The following RIPOR3 variants were observed in gnomAD, a reference collection of about 807,000 sequenced individuals.
RIPOR3 encodes RIPOR family member 3.
A neutral mutation model predicts 114.3 loss-of-function variants in RIPOR3; 95 were observed. The observed-to-expected ratio is 0.83, with a 90% confidence interval of 0.70 to 0.99. RIPOR3 has a LOEUF of 0.99. Among genes scored for constraint, RIPOR3 ranks in the 50% least tolerant of loss-of-function variants. The pLI is 0.00. For synonymous variants in RIPOR3, 575 were observed against 543.8 expected (o/e 1.06, Z -0.80); for missense variants, 1,252 against 1,266.9 (o/e 0.99, Z 0.18).
intron 11 of RIPOR3, among the ~76,000 whole-genome samples, chr20:50,605,069 T>C (rs929364561): frequency 3.9e-5 from 6 of 152,100 alleles, no homozygotes; most frequent in Non-Finnish European, 8.8e-5. Context: ...ACCACAGGCA[T>C]GTACCACCAT....
chr20:50,685,588 C>T (rs2086989514), intron 1 of RIPOR3, among the ~76,000 whole-genome samples: 1 of 151,244 alleles, frequency 6.6e-6, no homozygotes, highest in Non-Finnish European at 1.5e-5. Context: ...TTTTGGGAGG[C>T]CAAGGTGGGC....
chr20:50,681,623 G>A (rs2086865688), intron 1 of RIPOR3, among the ~76,000 whole-genome samples: 1 of 152,216 alleles, frequency 6.6e-6, no homozygotes, highest in Admixed American at 6.5e-5. Flanking sequence ...GGATCTGAGA[G>A]GTAAATAATT....
intron 20 of RIPOR3, among the ~76,000 whole-genome samples, chr20:50,589,162 T>G (rs1163053805): frequency 4.6e-5 from 7 of 151,826 alleles, no homozygotes; most frequent in Admixed American, 2.0e-4. Context: ...TTGTTGACTG[T>G]TTTTAAACTA....
At chr20:50,654,797 G>A (rs932292605) in intron 1 of RIPOR3, among the ~76,000 whole-genome samples, 6 of 152,104 alleles carry the variant, frequency 3.9e-5, no homozygotes, top group Non-Finnish European at 5.9e-5. Context: ...CTAGGCTGGT[G>A]TACAGTGGTG....
intron 3 of RIPOR3, among the ~76,000 whole-genome samples, chr20:50,617,875 G>A (rs565941463): frequency 1.3e-4 from 20 of 151,072 alleles, no homozygotes; most frequent in East Asian, 4.0e-4. Context: ...GCCTGCCTCC[G>A]CCTCCCAAAG....
intron 1 of RIPOR3, among the ~76,000 whole-genome samples, chr20:50,652,612 A>G (rs1444350589): frequency 1.5e-5 from 2 of 137,152 alleles, no homozygotes; most frequent in Admixed American, 7.4e-5. Context: ...AAAAAAAAAA[A>G]AGAAAAGAAA....
At chr20:50,619,294 A>C (rs1201683634) in intron 3 of RIPOR3, among the ~76,000 whole-genome samples, 1 of 151,788 alleles carries the variant, frequency 6.6e-6, no homozygotes, top group Non-Finnish European at 1.5e-5. Context: ...AAAAAAAATT[A>C]GCCAGGTGTG....
At chr20:50,596,407 A>G (rs2083293055) in intron 14 of RIPOR3, 144 bp from the exon 15 acceptor site, 4 of 1,198,288 alleles carry the variant, frequency 3.3e-6, no homozygotes, top group Non-Finnish European at 4.7e-6. Flanking sequence ...GGAAGGGGAA[A>G]GGAACAAAGG....
chr20:50,616,535 G>A (rs1250983485), intron 3 of RIPOR3, among the ~76,000 whole-genome samples: 2 of 152,030 alleles, frequency 1.3e-5, no homozygotes, highest in African/African-American at 4.8e-5. Context: ...TAGAGATGGG[G>A]TTTCACTATG....
chr20:50,587,922 T>C (rs1482892345), intron 20 of RIPOR3, 30 bp from the exon 21 acceptor site: 1 of 1,608,416 alleles, frequency 6.2e-7, no homozygotes, highest in Non-Finnish European at 8.5e-7. Flanking sequence ...AAAGAACCCT[T>C]TAGGGGGCCT....
chr20:50,625,355 A>G (rs751703151), intron 2 of RIPOR3, among the ~76,000 whole-genome samples: 1 of 152,152 alleles, frequency 6.6e-6, no homozygotes, highest in Non-Finnish European at 1.5e-5. Flanking sequence ...TGCAGGCGTG[A>G]GCCACCACGC....
At chr20:50,641,032 C>G (rs183526315) in intron 1 of RIPOR3, among the ~76,000 whole-genome samples, 174 of 151,752 alleles carry the variant, frequency 1.1e-3, no homozygotes, top group Admixed American at 0.01. Flanking sequence ...GCCTCAGCCT[C>G]CTGAGTAGCT....
At chr20:50,651,187 C>T (rs369640065) in intron 1 of RIPOR3, among the ~76,000 whole-genome samples, 11 of 152,038 alleles carry the variant, frequency 7.2e-5, no homozygotes, top group African/African-American at 2.7e-4. Context: ...GTGAAGGTGG[C>T]CAATACAGGA....
chr20:50,660,968 T>G (rs1600708714), intron 1 of RIPOR3, among the ~76,000 whole-genome samples: 1 of 150,800 alleles, frequency 6.6e-6, no homozygotes, highest in Admixed American at 6.6e-5. Context: ...CCGGGTGCGG[T>G]GTCTCATGCC....
intron 1 of RIPOR3, chr20:50,636,880 A>AT: frequency 2.0e-6 from 2 of 985,392 alleles, no homozygotes; most frequent in Non-Finnish European, 2.4e-6. Context: ...AAACATCTAA[A>AT]TTTAACGTTA....
intron 1 of RIPOR3, among the ~76,000 whole-genome samples, chr20:50,644,275 A>G (rs1251959819): frequency 2.0e-5 from 3 of 151,792 alleles, no homozygotes; most frequent in African/African-American, 2.4e-5. Context: ...CCTGACCCCA[A>G]CCGAAAATTC....
intron 20 of RIPOR3, 116 bp downstream of exon 20, chr20:50,589,570 A>G: frequency 9.2e-7 from 1 of 1,081,238 alleles, no homozygotes; most frequent in Non-Finnish European, 1.3e-6. Flanking sequence ...TGCTGAGATT[A>G]CAGGCGTGAG....
At chr20:50,590,450 A>G (rs1187152621) in intron 19 of RIPOR3, among the ~76,000 whole-genome samples, 1 of 152,212 alleles carries the variant, frequency 6.6e-6, no homozygotes, top group Non-Finnish European at 1.5e-5. Context: ...CTTCAACTGC[A>G]CGGGTGGGGC....
chr20:50,687,022 A>G (rs2087051634), intron 1 of RIPOR3, among the ~76,000 whole-genome samples: 2 of 152,234 alleles, frequency 1.3e-5, no homozygotes, highest in East Asian at 1.9e-4. Flanking sequence ...AACTTTTCCT[A>G]TAGGTTTGGC....
Sources: gnomAD v4.1 joint callset for allele counts (sites outside exome capture counted in the v4.1 genomes callset) on GRCh38, gnomAD v4.1.1 for gene constraint, MANE v1.5 for transcripts, NCBI Gene and HGNC (gene_info 2026-07-23, HGNC 2026-07-21) for gene names.